The following LIN28B variants were observed in gnomAD, a reference collection of about 807,000 sequenced individuals.
LIN28B encodes lin-28 RNA binding posttranscriptional regulator B.
A neutral mutation model predicts 21.9 loss-of-function variants in LIN28B; 5 were observed. That is an observed-to-expected ratio of 0.23 (90% confidence interval 0.12 to 0.48). LIN28B has a LOEUF of 0.48. Among genes scored for constraint, LIN28B ranks in the 20% least tolerant of loss-of-function variants. LIN28B has a pLI of 0.98. For missense variants in LIN28B, 245 were observed against 310.5 expected (o/e 0.79, Z 1.58); for synonymous variants, 109 against 111.3 (o/e 0.98, Z 0.13).
At position 105,081,592 on chromosome 6, in the gene LIN28B, C is replaced by T. The variant is rs570911235; in HGVS notation, c.*2809C>T. 1 of 152,398 alleles carries T rather than the reference C, an allele frequency of 6.6e-6. No individual in the cohort carries two copies. The highest frequency in any genetic ancestry group is 3.4e-3 in the Middle Eastern group (1 of 294). 9.4% of individuals were successfully genotyped at this position (152,398 alleles called of 1,614,324 possible). On this transcript the variant is annotated 3_prime_UTR_variant, in exon 4 of 4. Coordinates refer to ENST00000345080, the MANE Select transcript of LIN28B (RefSeq NM_001004317.4). ...AACACTTGTGAATAATGAAGCATCT[C>T]GTTTTAGTTAGCAAAGTCTCCAAAC... is the stretch of plus-strand genomic sequence containing the variant.
At chr6:104,989,911 A>G (rs1161337285) in intron 2 of LIN28B, among the ~76,000 whole-genome samples, 1 of 152,124 alleles carries the variant, frequency 6.6e-6, no homozygotes, top group African/African-American at 2.4e-5. Flanking sequence ...ATGAAATTTT[A>G]GGTTATTGAT....
intron 2 of LIN28B, among the ~76,000 whole-genome samples, chr6:104,991,709 C>G (rs1414342138): frequency 1.3e-5 from 2 of 152,200 alleles, no homozygotes; most frequent in East Asian, 3.9e-4. Context: ...CCACTGCACT[C>G]CAGCCTGGGC....
upstream of LIN28B, among the ~76,000 whole-genome samples, chr6:104,955,416 C>CAA (rs796890559): frequency 3.5e-5 from 5 of 142,092 alleles, no homozygotes; most frequent in African/African-American, 1.3e-4. Context: ...GAATAACAGA[C>CAA]AAAAAAAAAA....
intron 2 of LIN28B, among the ~76,000 whole-genome samples, chr6:105,025,454 C>T (rs532844920): frequency 1.3e-5 from 2 of 152,122 alleles, no homozygotes; most frequent in African/African-American, 2.4e-5. Flanking sequence ...TACAAAAAAT[C>T]AGCTATCTTT....
intron 2 of LIN28B, among the ~76,000 whole-genome samples, chr6:104,990,511 C>T (rs1258140766): frequency 4.0e-5 from 6 of 149,310 alleles, no homozygotes; most frequent in African/African-American, 9.9e-5. Context: ...TTGTAAATGT[C>T]GTATATATTA....
At chr6:104,972,373 C>T (rs1003191572) in intron 2 of LIN28B, among the ~76,000 whole-genome samples, 3 of 152,022 alleles carry the variant, frequency 2.0e-5, no homozygotes, top group Non-Finnish European at 2.9e-5. Context: ...AAATACATAA[C>T]AAAATTTGGT....
chr6:104,960,962 C>G (rs1418211993), intron 2 of LIN28B, among the ~76,000 whole-genome samples: 2 of 152,092 alleles, frequency 1.3e-5, no homozygotes. Context: ...TGCCTAGGTG[C>G]TGTACTTTGT....
chr6:105,015,256 TTTTAA>T, intron 2 of LIN28B, among the ~76,000 whole-genome samples: 2 of 152,198 alleles, frequency 1.3e-5, no homozygotes, highest in Admixed American at 6.5e-5. Flanking sequence ...CTTAATGAGT[TTTTAA>T]AAATTCCATT....
chr6:104,966,778 C>T (rs758905612), intron 2 of LIN28B, among the ~76,000 whole-genome samples: 72 of 152,096 alleles, frequency 4.7e-4, no homozygotes, highest in Non-Finnish European at 7.5e-4. Flanking sequence ...CTCGCCACCA[C>T]GCCCGGCTAA....
At chr6:104,949,881 C>T in intron 2 of LIN28B, among the ~76,000 whole-genome samples, 1 of 151,702 alleles carries the variant, frequency 6.6e-6, no homozygotes, top group East Asian at 1.9e-4. Context: ...AAACATTAAC[C>T]CATTTAAAAA....
chr6:105,034,681 G>T (rs1339758333), intron 3 of LIN28B, among the ~76,000 whole-genome samples: 1 of 152,020 alleles, frequency 6.6e-6, no homozygotes, highest in Non-Finnish European at 1.5e-5. Context: ...AACAGAAACA[G>T]AAACCAATTA....
chr6:104,977,790 A>C (rs1329983092), intron 2 of LIN28B, among the ~76,000 whole-genome samples: 1 of 150,796 alleles, frequency 6.6e-6, no homozygotes, highest in African/African-American at 2.4e-5. Context: ...CTGGTCTTGA[A>C]CTCCTGACCT....
At chr6:104,972,194 A>G (rs543537900) in intron 2 of LIN28B, among the ~76,000 whole-genome samples, 2 of 152,276 alleles carry the variant, frequency 1.3e-5, no homozygotes, top group Admixed American at 6.5e-5. Context: ...CTGGCCTTGA[A>G]TGCCTGACCT....
intron 2 of LIN28B, among the ~76,000 whole-genome samples, chr6:105,016,927 G>A (rs1439648617): frequency 1.3e-5 from 2 of 151,466 alleles, no homozygotes; most frequent in Non-Finnish European, 2.9e-5. Flanking sequence ...AAAAAAAACA[G>A]CTGGGTGTGG....
intron 2 of LIN28B, among the ~76,000 whole-genome samples, chr6:104,998,860 AG>A (rs1466500794): frequency 6.6e-6 from 1 of 152,298 alleles, no homozygotes; most frequent in East Asian, 1.9e-4. Context: ...TGCATGACTA[AG>A]GATCTTTGTC....
chr6:105,054,128 G>A (rs1440912687), intron 3 of LIN28B, among the ~76,000 whole-genome samples: 1 of 152,158 alleles, frequency 6.6e-6, no homozygotes, highest in East Asian at 1.9e-4. Flanking sequence ...TGTAATTAGT[G>A]TGTGTTTTTT....
At chr6:104,972,697 A>T (rs1770004309) in intron 2 of LIN28B, among the ~76,000 whole-genome samples, 1 of 152,164 alleles carries the variant, frequency 6.6e-6, no homozygotes, top group African/African-American at 2.4e-5. Context: ...ATAAATTTTC[A>T]AATAGTTGAA....
intron 3 of LIN28B, among the ~76,000 whole-genome samples, chr6:105,037,964 T>C (rs896179063): frequency 2.6e-5 from 4 of 152,096 alleles, no homozygotes; most frequent in African/African-American, 9.7e-5. Flanking sequence ...CCCTACCTTA[T>C]ACCATTTTTA....
intron 2 of LIN28B, among the ~76,000 whole-genome samples, chr6:105,011,462 G>A (rs1048875364): frequency 1.3e-5 from 2 of 152,180 alleles, no homozygotes; most frequent in Admixed American, 6.5e-5. Context: ...AGTGCTAGGA[G>A]TATAGGCGTG....
Sources: gnomAD v4.1 joint callset for allele counts (sites outside exome capture counted in the v4.1 genomes callset) on GRCh38, gnomAD v4.1.1 for gene constraint, MANE v1.5 for transcripts, NCBI Gene and HGNC (gene_info 2026-07-23, HGNC 2026-07-21) for gene names.